PPFIA2: variants seen among roughly 807,000 people sequenced by gnomAD.
PPFIA2 encodes the protein liprin-alpha-2.
In PPFIA2, 46 loss-of-function variants were observed where a neutral mutation model predicts 175.5. The ratio of observed to expected loss-of-function variants is 0.26; its 90% CI spans 0.21 to 0.34. The LOEUF (loss-of-function observed/expected upper bound fraction) is 0.34, where lower values mean the gene tolerates loss of function less well. Ranked by LOEUF, PPFIA2 falls within the 10% of genes least tolerant of loss-of-function variation. The pLI is 1.00. For missense variants in PPFIA2, 1,179 were observed against 1,506.1 expected (o/e 0.78, Z 3.60); for synonymous variants, 568 against 511.4 (o/e 1.11, Z -1.49).
At chr12:81,715,917 T>G (rs2078555978) in intron 3 of PPFIA2, among the ~76,000 whole-genome samples, 1 of 151,554 alleles carries the variant, frequency 6.6e-6, no homozygotes, top group Admixed American at 6.6e-5. Context: ...ATAAACAATT[T>G]TTTTAAATTT....
At chr12:81,562,703 C>T (rs895982018) in intron 4 of PPFIA2, among the ~76,000 whole-genome samples, 6 of 150,188 alleles carry the variant, frequency 4.0e-5, no homozygotes, top group East Asian at 2.0e-4. Flanking sequence ...AAAAATTAGC[C>T]GGGCGTAGTG....
rs188302466 is a variant in PPFIA2, at chr12:81,404,583, G to A, written c.762+1204C>T. Among the ~76,000 whole-genome samples the A allele has an allele frequency of 2.2e-4, 33 of 152,208 alleles. No individual in the cohort carries two copies. In the East Asian group the frequency reaches 4.2e-3, roughly 20 times the overall value. On this transcript the variant is annotated intron_variant, in intron 8 of 32. Transcript: ENST00000549396. The stretch of plus-strand genomic sequence containing the variant: ...ATCTCAGATAAAGCTAATGAAATAC[G>A]TCAAATTGTAGTTTATGTTTTATAT...
chr12:81,749,958 T>C (rs2083533881), intron 3 of PPFIA2, among the ~76,000 whole-genome samples: 1 of 144,016 alleles, frequency 6.9e-6, no homozygotes, highest in Non-Finnish European at 1.6e-5. Flanking sequence ...ACTTTGGCAG[T>C]TCAGAGGGTT....
intron 28 of PPFIA2, among the ~76,000 whole-genome samples, chr12:81,277,101 A>T (rs2040718088): frequency 6.6e-6 from 1 of 152,124 alleles, no homozygotes; most frequent in South Asian, 2.1e-4. Context: ...TCAAAAACTC[A>T]AGATTACTCC....
Position 81,299,367 on chromosome 12 carries a change from T to C in PPFIA2, c.2658A>G (p.Glu886=), listed in dbSNP as rs1356870515. ...AAGGTAATCCCTTTCTCCGAGCTTC[T>C]TCAAGAAGTTCATGCCTGAAGTATA... ...RRLKKKHELL[E]EARRKGLPFA... Residue 886 remains glutamate, a synonymous_variant, in exon 23 of 33, where the codon GAA becomes GAG. Coordinates refer to ENST00000549396, the MANE Select transcript of PPFIA2 (RefSeq NM_003625.5). The C allele has an allele frequency of 1.3e-6, 2 of 1,587,240 alleles. No individual in the cohort carries two copies. The highest frequency in any genetic ancestry group is 3.5e-5 in the Admixed American group (2 of 56,370).
At chr12:81,643,829 G>C (rs2065685805) in intron 4 of PPFIA2, among the ~76,000 whole-genome samples, 1 of 151,910 alleles carries the variant, frequency 6.6e-6, no homozygotes, top group African/African-American at 2.4e-5. Flanking sequence ...AGGTAATTTG[G>C]CATTCTAAAG....
chr12:81,451,649 A>T (rs1287095556), intron 5 of PPFIA2, among the ~76,000 whole-genome samples: 1 of 152,222 alleles, frequency 6.6e-6, no homozygotes, highest in African/African-American at 2.4e-5. Context: ...ATATGTTTTT[A>T]TTAATATAAA....
In PPFIA2 at chr12:81,745,946, A is replaced by ATGGATCTGTG. The variant is rs1555660624; in HGVS notation, c.249+8026_249+8027insCACAGATCCA. On this transcript the variant is annotated intron_variant, in intron 3 of 32. Transcript: ENST00000549396. ...GTGGTAGACTATGTACAACAAACAAACAGCTTTCCAAAACAAAAGTATTTC... is the reference window on the plus strand; with the variant it reads ...GTGGTAGACTATGTACAACAAACAAATGGATCTGTGCAGCTTTCCAAAACAAAAGTATTTC... Among the ~76,000 whole-genome samples, 77 of 146,334 alleles carry ATGGATCTGTG rather than the reference A, an allele frequency of 5.3e-4. 3 individuals are homozygous for ATGGATCTGTG. The highest frequency in any genetic ancestry group is 1.7e-3 in the East Asian group (8 of 4,822).
chr12:81,294,774 G>T, intron 24 of PPFIA2, 61 bp downstream of exon 24: 1 of 1,519,624 alleles, frequency 6.6e-7, no homozygotes, highest in South Asian at 1.2e-5. Flanking sequence ...TTGCTCTGTA[G>T]ACTTAGACAC....
chr12:81,374,520 T>G (rs1426786598), intron 11 of PPFIA2, 114 bp downstream of exon 11: 17 of 1,258,940 alleles, frequency 1.4e-5, no homozygotes, highest in Middle Eastern at 2.1e-4. Flanking sequence ...CTCAATATAA[T>G]AGAGATTAAA....
At chr12:81,759,193 C>A (rs941018768) in intron 1 of PPFIA2, 87 bp downstream of exon 1, 1 of 147,972 alleles carries the variant, frequency 6.8e-6, no homozygotes. Context: ...CGCCGCCCCC[C>A]CGCCGCCACA....
chr12:81,683,486 C>G (rs1040988486), intron 3 of PPFIA2, among the ~76,000 whole-genome samples: 2 of 151,970 alleles, frequency 1.3e-5, no homozygotes, highest in African/African-American at 2.4e-5. Flanking sequence ...GACCAAAACC[C>G]TAAATGGTTT....
chr12:81,533,692 AATCTATCTATCTATCTATCT>A (rs5799538), intron 4 of PPFIA2, among the ~76,000 whole-genome samples: 3 of 144,326 alleles, frequency 2.1e-5, no homozygotes, highest in Non-Finnish European at 3.0e-5. Flanking sequence ...TAAATTCACA[AATCTATCTATCTATCTATCT>A]ATCTATCTAT....
At chr12:81,737,832 G>C (rs1022549807) in intron 3 of PPFIA2, among the ~76,000 whole-genome samples, 3 of 151,850 alleles carry the variant, frequency 2.0e-5, no homozygotes, top group South Asian at 2.1e-4. Context: ...AGAGCAATAA[G>C]GGGATGGAAA....
At chr12:81,319,866 G>T (rs959918415) in intron 22 of PPFIA2, among the ~76,000 whole-genome samples, 4 of 151,890 alleles carry the variant, frequency 2.6e-5, no homozygotes, top group African/African-American at 9.7e-5. Flanking sequence ...CTAATATCAT[G>T]CAAGTGAATC....
At chr12:81,714,758 A>T (rs2078378756) in intron 3 of PPFIA2, among the ~76,000 whole-genome samples, 2 of 151,170 alleles carry the variant, frequency 1.3e-5, no homozygotes, top group Admixed American at 1.3e-4. Context: ...TTCATAAAAC[A>T]TATGTGGTTG....
intron 4 of PPFIA2, among the ~76,000 whole-genome samples, chr12:81,606,152 T>C (rs1176157564): frequency 6.6e-6 from 1 of 151,990 alleles, no homozygotes; most frequent in African/African-American, 2.4e-5. Flanking sequence ...ACAAGATTAA[T>C]TATTTTTATA....
intron 7 of PPFIA2, chr12:81,430,500 A>G (rs2047900113): frequency 6.6e-6 from 1 of 151,278 alleles, no homozygotes; most frequent in Admixed American, 6.6e-5. Flanking sequence ...GAAACATTGA[A>G]CACCTCCAAT....
chr12:81,291,806 A>G (rs1301702705), intron 24 of PPFIA2, among the ~76,000 whole-genome samples: 2 of 152,054 alleles, frequency 1.3e-5, no homozygotes, highest in Admixed American at 6.6e-5. Flanking sequence ...AAATATGATG[A>G]CTTTGAAGTA....
Sources: gnomAD v4.1 joint callset for allele counts (sites outside exome capture counted in the v4.1 genomes callset) on GRCh38, gnomAD v4.1.1 for gene constraint, MANE v1.5 for transcripts, NCBI Gene and HGNC (gene_info 2026-07-23, HGNC 2026-07-21) for gene names.